TAF4B: variants seen among roughly 807,000 people sequenced by gnomAD.
The protein encoded by TAF4B is TATA-box binding protein associated factor 4b.
A neutral mutation model predicts 86.4 loss-of-function variants in TAF4B; 38 were observed. The ratio of observed to expected loss-of-function variants is 0.44; its 90% confidence interval spans 0.34 to 0.58. TAF4B has a LOEUF of 0.58. Among genes scored for constraint, TAF4B ranks in the 20% least tolerant of loss-of-function variants. TAF4B has a pLI of 0.02. For synonymous variants in TAF4B, 388 were observed against 391.2 expected (o/e 0.99, Z 0.10); for missense variants, 988 against 1,027.6 (o/e 0.96, Z 0.53).
At chr18:26,285,760 C>A in intron 6 of TAF4B, 122 bp from the exon 7 acceptor site, 1 of 1,220,288 alleles carries the variant, frequency 8.2e-7, no homozygotes, top group East Asian at 2.3e-5. Context: ...AAGCTGTCTT[C>A]AACTGAAATA....
At chr18:26,282,257 A>G (rs2056459889) in intron 6 of TAF4B, among the ~76,000 whole-genome samples, 197 bp downstream of exon 6, 1 of 152,220 alleles carries the variant, frequency 6.6e-6, no homozygotes. Flanking sequence ...AAAGAGAAGT[A>G]ACATTTTATT....
chr18:26,361,024 A>G (rs1368801171), intron 14 of TAF4B, among the ~76,000 whole-genome samples: 1 of 152,160 alleles, frequency 6.6e-6, no homozygotes, highest in African/African-American at 2.4e-5. Flanking sequence ...GGACTGCCCA[A>G]TATAGTAGCC....
chr18:26,236,707 G>C (rs1816953317), intron 1 of TAF4B, among the ~76,000 whole-genome samples: 1 of 152,090 alleles, frequency 6.6e-6, no homozygotes, highest in Non-Finnish European at 1.5e-5. Flanking sequence ...GTTTGTCTGA[G>C]GGCCATGACT....
chr18:26,274,446 C>T (rs948658006), intron 3 of TAF4B, among the ~76,000 whole-genome samples: 1 of 152,158 alleles, frequency 6.6e-6, no homozygotes, highest in Non-Finnish European at 1.5e-5. Context: ...GCAGTCAACA[C>T]TTGGTAGGTG....
At chr18:26,362,477 A>G (rs569726362) in intron 14 of TAF4B, among the ~76,000 whole-genome samples, 2 of 152,326 alleles carry the variant, frequency 1.3e-5, no homozygotes, top group East Asian at 1.9e-4. Flanking sequence ...CAAATTTTAG[A>G]GAATACTTTC....
chr18:26,237,144 G>A (rs1281952752), intron 1 of TAF4B, among the ~76,000 whole-genome samples: 1 of 152,164 alleles, frequency 6.6e-6, no homozygotes, highest in African/African-American at 2.4e-5. Flanking sequence ...ACTAGGGATG[G>A]CTTGCTGACT....
chr18:26,368,154 G>GT (rs894010250), intron 14 of TAF4B, among the ~76,000 whole-genome samples: 5 of 152,068 alleles, frequency 3.3e-5, no homozygotes, highest in South Asian at 4.2e-4. Context: ...TTTAGGGATA[G>GT]TTTTTTTTAT....
chr18:26,357,095 G>T (rs1307984838), intron 13 of TAF4B, among the ~76,000 whole-genome samples: 18 of 152,086 alleles, frequency 1.2e-4, no homozygotes. Flanking sequence ...AGAGCATTTT[G>T]CTCCACATGC....
In TAF4B at chr18:26,332,485, A is replaced by G. The variant is rs546896295; in HGVS notation, c.2260-2690A>G. Among the ~76,000 whole-genome samples the G allele has an allele frequency of 3.3e-5, 5 of 152,072 alleles. No homozygotes were observed. In the East Asian group the frequency reaches 9.7e-4, roughly 30 times the overall value. On this transcript the variant is annotated intron_variant, in intron 12 of 14. Coordinates refer to ENST00000269142, the MANE Select transcript of TAF4B (RefSeq NM_005640.3). ...TGTTTTGTTTTTTTTAAAGTGTTAC[A>G]TCAGTGACATCTCACCCCTGTGCTC...
intron 9 of TAF4B, among the ~76,000 whole-genome samples, chr18:26,302,679 T>G (rs2056749339): frequency 6.6e-6 from 1 of 152,044 alleles, no homozygotes; most frequent in African/African-American, 2.4e-5. Context: ...AATATCTTTT[T>G]GTCTTCAGGA....
At chr18:26,277,076 T>G (rs1372706281) in intron 5 of TAF4B, among the ~76,000 whole-genome samples, 1 of 152,106 alleles carries the variant, frequency 6.6e-6, no homozygotes. Flanking sequence ...TGCTTAACTT[T>G]TTTTATTGAA....
chr18:26,262,341 C>T (rs2056181590), intron 1 of TAF4B, among the ~76,000 whole-genome samples: 1 of 152,046 alleles, frequency 6.6e-6, no homozygotes, highest in African/African-American at 2.4e-5. Flanking sequence ...GAATTTCTGT[C>T]ATGTTGAGCT....
intron 13 of TAF4B, 137 bp downstream of exon 13, chr18:26,335,368 A>C: frequency 1.4e-6 from 1 of 702,282 alleles, no homozygotes; most frequent in East Asian, 2.5e-5. Flanking sequence ...GAACTGCTAA[A>C]GGCAAGGGCA....
chr18:26,227,273 C>G lies in TAF4B; in HGVS notation c.340C>G (p.Pro114Ala). 6.2e-7 allele frequency: 1 copy of G among 1,612,554 alleles called. No homozygotes were observed. The highest frequency in any genetic ancestry group is 1.1e-5 in the South Asian group (1 of 90,808). The change falls in exon 1 of 15, where the codon CCA (proline) becomes GCA (alanine). Residue 114 changes from proline (P) to alanine (A), a missense_variant. Coordinates refer to ENST00000269142, the MANE Select transcript of TAF4B (RefSeq NM_005640.3). ...GTTTCCTGCTAATTTGCAGCTTCCT[C>G]CAGGTATGTTGATAACCCTTTCCAG... ...IQFPANLQLP[P>A]GTVLIKSNSG... is the part of the protein sequence containing the mutation.
At chr18:26,253,780 G>C (rs1256840951) in intron 1 of TAF4B, among the ~76,000 whole-genome samples, 5 of 151,896 alleles carry the variant, frequency 3.3e-5, no homozygotes, top group Non-Finnish European at 7.4e-5. Context: ...ATTCTTTCTT[G>C]AGTCAATTTC....
chr18:26,247,623 T>C (rs946364349), intron 1 of TAF4B, among the ~76,000 whole-genome samples: 4 of 152,180 alleles, frequency 2.6e-5, no homozygotes, highest in Non-Finnish European at 4.4e-5. Flanking sequence ...ACTCACATCT[T>C]GTAATCCCAG....
At chr18:26,341,231 G>A (rs956109041) in intron 13 of TAF4B, among the ~76,000 whole-genome samples, 1 of 152,032 alleles carries the variant, frequency 6.6e-6, no homozygotes, top group Admixed American at 6.6e-5. Context: ...AACGATTCCT[G>A]CTCTGCTTAT....
intron 5 of TAF4B, among the ~76,000 whole-genome samples, chr18:26,277,855 C>G (rs1298107668): frequency 6.6e-6 from 1 of 152,186 alleles, no homozygotes; most frequent in Non-Finnish European, 1.5e-5. Context: ...AAATAACATG[C>G]TCATTAAATT....
rs976109519 is a variant in TAF4B at position 26,282,125 on chromosome 18, G to A, written c.972+65G>A. 73 of 1,323,086 alleles carry A rather than the reference G, an allele frequency of 5.5e-5. No individual in the cohort carries two copies. In the South Asian group the frequency reaches 9.0e-4, roughly 16 times the overall value. The allele number at this position is 1,323,086 out of a possible 1,614,324, so 82.0% of individuals were successfully genotyped here. ...GATTACTCTAAAATAATTAAAAATG[G>A]GAATATTTCAATATGACAGCAATTG... is the stretch of plus-strand genomic sequence containing the variant. On this transcript the variant is annotated intron_variant, in intron 6 of 14. Transcript: ENST00000269142.
Sources: allele counts gnomAD v4.1 joint callset (sites outside exome capture counted in the v4.1 genomes callset), GRCh38; gene constraint gnomAD v4.1.1; transcripts MANE v1.5; gene names NCBI Gene and HGNC (gene_info 2026-07-23, HGNC 2026-07-21).